The following NCOR2 variants were observed in gnomAD, a reference collection of about 807,000 sequenced individuals.
NCOR2 encodes the protein nuclear receptor corepressor 2.
A neutral mutation model predicts 262.9 loss-of-function variants in NCOR2; 81 were observed. The ratio of observed to expected loss-of-function variants is 0.31; its 90% CI spans 0.26 to 0.37. The LOEUF is 0.37. Ranked by LOEUF, NCOR2 falls within the 10% of genes least tolerant of loss-of-function variation. The probability of loss-of-function intolerance (pLI) is 1.00; values close to 1 mark genes in which losing one functional copy is unlikely to be tolerated. For missense variants in NCOR2, 3,385 were observed against 3,621.4 expected, an observed-to-expected ratio of 0.93 and a Z score of 1.68; for synonymous variants, 1,659 against 1,559.3, an observed-to-expected ratio of 1.06 and a Z score of -1.51.
At chr12:124,333,856 A>ATC (rs1555299190) in intron 41 of NCOR2, among the ~76,000 whole-genome samples, 1 of 121,202 alleles carries the variant, frequency 8.3e-6, no homozygotes, top group African/African-American at 2.7e-5. Flanking sequence ...GCGGGTGTGC[A>ATC]TGTGTGTGTG....
chr12:124,523,591 G>T lies in NCOR2; in HGVS notation c.-118+11974C>A, dbSNP rs2050304888. Among the ~76,000 whole-genome samples the T allele has an allele frequency of 6.7e-6, 1 of 149,972 alleles. No individual in the cohort carries two copies. Among genetic ancestry groups the T allele is most frequent in the Non-Finnish European group, 1.5e-5 (1 of 67,770 alleles). On this transcript the variant is annotated intron_variant, in intron 1 of 46. Coordinates refer to the NCOR2 transcript ENST00000404621. This position sits in a 1 kb window ranked among gnomAD's most constrained non-coding sequence, Gnocchi z 4.0. ...TTCACTGGGCCACACTAAAAGAACT[G>T]TCTCGGATCACACATAACACTAACA...
chr12:124,542,340 C>T (rs893761794), intron 1 of NCOR2, among the ~76,000 whole-genome samples: 14 of 152,104 alleles, frequency 9.2e-5, no homozygotes, highest in Middle Eastern at 3.2e-3. Context: ...GCGGCCACAC[C>T]GGCCACAACA....
Position 124,426,605 on chromosome 12 carries a change from G to A in NCOR2, c.1328+17C>T, listed in dbSNP as rs758007561. 6.4e-7 allele frequency: 1 copy of A among 1,565,774 alleles called. No individual in the cohort carries two copies. Among genetic ancestry groups the A allele is most frequent in the Non-Finnish European group, 8.7e-7 (1 of 1,147,364 alleles). ...GGTGGGGGGCCGGGAGGCCAGGCCA[G>A]GTGATGGAGGACTCACTTCTCCCGG... is the stretch of plus-strand genomic sequence containing the variant. On this transcript the variant is annotated intron_variant, in intron 11 of 46. Transcript: ENST00000405201.
exon 45 of NCOR2, chr12:124,327,484 C>T: frequency 1.2e-6 from 2 of 1,613,604 alleles, no homozygotes; most frequent in Non-Finnish European, 1.7e-6. Flanking sequence ...CTGGCACTGG[C>T]ATTCAGAGGG....
intron 4 of NCOR2, among the ~76,000 whole-genome samples, chr12:124,470,649 CAG>C (rs1406858827): frequency 6.6e-6 from 1 of 152,206 alleles, no homozygotes; most frequent in Non-Finnish European, 1.5e-5. Context: ...TCCATAGAGA[CAG>C]AGAGTAGGGG....
chr12:124,347,750 G>T, intron 30 of NCOR2, 75 bp downstream of exon 32: 2 of 1,442,672 alleles, frequency 1.4e-6, no homozygotes, highest in Non-Finnish European at 1.9e-6. Flanking sequence ...CACTCTGGCT[G>T]TGTCTCTCCC....
At chr12:124,330,929 C>A in intron 43 of NCOR2, 31 bp from the exon 46 acceptor site, 1 of 1,566,204 alleles carries the variant, frequency 6.4e-7, no homozygotes, top group Non-Finnish European at 8.7e-7. Context: ...GGGTGAGGCC[C>A]CCAGGTCTCT....
At chr12:124,363,571 T>C (rs1163295364) in intron 21 of NCOR2, 108 bp downstream of exon 23, 3 of 1,044,786 alleles carry the variant, frequency 2.9e-6, no homozygotes, top group Non-Finnish European at 2.6e-6. Context: ...CAGAAGCGGA[T>C]GAGCTAGGCT....
At chr12:124,363,559 A>G (rs2038784654) in intron 21 of NCOR2, 120 bp downstream of exon 23, 10 of 997,894 alleles carry the variant, frequency 1.0e-5, no homozygotes, top group Non-Finnish European at 1.3e-5. Flanking sequence ...TTCTCCAGGA[A>G]ACAGAAGCGG....
chr12:124,411,590 C>T (rs1158937975), intron 13 of NCOR2, among the ~76,000 whole-genome samples: 3 of 152,256 alleles, frequency 2.0e-5, no homozygotes, highest in Non-Finnish European at 4.4e-5. Context: ...TAGCCAGCCT[C>T]ACATCCTCGC....
Position 124,348,327 on chromosome 12 carries a change from C to T in NCOR2, c.3845-13G>A, listed in dbSNP as rs375387777. ...ACAGACATGCCACCTGGAAACCACA[C>T]AAAGCACTCGGTGAGGAGCTGGGCA... is the stretch of plus-strand genomic sequence containing the variant. On this transcript the variant is annotated splice_polypyrimidine_tract_variant and intron_variant, in intron 28 of 46. Coordinates refer to ENST00000405201, the Ensembl canonical transcript of NCOR2. The T allele has an allele frequency of 2.6e-5, 41 of 1,596,600 alleles. No individual in the cohort carries two copies. Among genetic ancestry groups the T allele is most frequent in the East Asian group, 1.1e-4 (5 of 44,678 alleles).
chr12:124,339,909 C>A, intron 37 of NCOR2, 97 bp downstream of exon 39: 8 of 724,076 alleles, frequency 1.1e-5, no homozygotes, highest in African/African-American at 1.8e-5. Flanking sequence ...CCACCCACCT[C>A]CCATATACCT....
chr12:124,375,132 G>A (rs1346105365), intron 18 of NCOR2, among the ~76,000 whole-genome samples: 1 of 152,242 alleles, frequency 6.6e-6, no homozygotes, highest in Non-Finnish European at 1.5e-5. Flanking sequence ...GCTTGCCCAA[G>A]GCCACGCTGT....
At chr12:124,393,326 C>T (rs539102736) in intron 16 of NCOR2, among the ~76,000 whole-genome samples, 7 of 152,340 alleles carry the variant, frequency 4.6e-5, no homozygotes, top group African/African-American at 1.4e-4. Context: ...TGAACATTCT[C>T]GGTCCTCAGG....
At chr12:124,500,365 G>T (rs1378759527) in intron 1 of NCOR2, among the ~76,000 whole-genome samples, 2 of 152,200 alleles carry the variant, frequency 1.3e-5, no homozygotes, top group African/African-American at 2.4e-5. Flanking sequence ...AAACACACAA[G>T]TGCCCCCCGC....
At chr12:124,498,135 A>G (rs1342276841), upstream of NCOR2, among the ~76,000 whole-genome samples, 1 of 152,178 alleles carries the variant, frequency 6.6e-6, no homozygotes, top group Non-Finnish European at 1.5e-5. Context: ...TTTCAAGGGC[A>G]CCACGGGCAA....
At chr12:124,342,119 C>A in intron 33 of NCOR2, 45 bp from the exon 36 acceptor site, 2 of 1,568,768 alleles carry the variant, frequency 1.3e-6, no homozygotes. Flanking sequence ...CATACCTAGG[C>A]CTGATGGTGT....
intron 1 of NCOR2, among the ~76,000 whole-genome samples, chr12:124,565,866 G>C (rs2052220695): frequency 6.6e-6 from 1 of 152,178 alleles, no homozygotes; most frequent in South Asian, 2.1e-4. Context: ...GAGGTGCAGA[G>C]TGGGCCATCC....
chr12:124,522,674 A>C (rs1317692942), intron 1 of NCOR2, among the ~76,000 whole-genome samples: 1 of 152,146 alleles, frequency 6.6e-6, no homozygotes, highest in Non-Finnish European at 1.5e-5. Context: ...GACTCAACCC[A>C]CTACCAAAGC....
Sources: allele counts gnomAD v4.1 joint callset (sites outside exome capture counted in the v4.1 genomes callset), GRCh38; gene constraint gnomAD v4.1.1; non-coding constraint Gnocchi (gnomAD v3.1); transcripts MANE v1.5; gene names NCBI Gene and HGNC (gene_info 2026-07-23, HGNC 2026-07-21).